Variants in SETD5 observed in about 807,000 individuals in gnomAD.
SETD5 encodes histone-lysine N-methyltransferase SETD5.
Under a neutral mutation model 153.3 loss-of-function variants are expected in SETD5, and 44 were observed. The ratio of observed to expected loss-of-function variants is 0.29; its 90% CI spans 0.23 to 0.37. SETD5 has a LOEUF of 0.37. Among genes scored for constraint, SETD5 ranks in the 10% least tolerant of loss-of-function variants. The probability of loss-of-function intolerance (pLI) is 1.00; values close to 1 mark genes in which losing one functional copy is unlikely to be tolerated. For synonymous variants in SETD5, 716 were observed against 645.2 expected (o/e 1.11, Z -1.66); for missense variants, 1,544 against 1,768.0 (o/e 0.87, Z 2.27).
chr3:9,436,116 TC>T (rs1301826082), intron 7 of SETD5, among the ~76,000 whole-genome samples: 1 of 152,150 alleles, frequency 6.6e-6, no homozygotes, highest in Admixed American at 6.6e-5. Flanking sequence ...GCTCAAAGTT[TC>T]TTCTACTCCA....
intron 19 of SETD5, 118 bp from the exon 20 acceptor site, chr3:9,473,118 G>T (rs746321881): frequency 1.6e-6 from 2 of 1,245,290 alleles, no homozygotes; most frequent in Admixed American, 5.5e-5. Context: ...CTTTGTTTGC[G>T]TGGCTTGGCT....
chr3:9,441,769 G>C (rs376410855), intron 9 of SETD5, 28 bp downstream of exon 9: 4 of 1,613,524 alleles, frequency 2.5e-6, no homozygotes, highest in East Asian at 2.2e-5. Context: ...TGAGCAGTGA[G>C]GGCTAAGGTG....
At chr3:9,425,055 C>CTTTTTTTTTTTTTTTTTTTTTTTTTT (rs778883904) in intron 2 of SETD5, among the ~76,000 whole-genome samples, 5 of 83,640 alleles carry the variant, frequency 6.0e-5, no homozygotes, top group African/African-American at 2.4e-4. Context: ...GACAATGTTT[C>CTTTTTTTTTTTTTTTTTTTTTTTTTT]TTTTTTTTTT....
Position 9,445,243 on chromosome 3 carries a change from T to C in SETD5, c.1383T>C (p.Asn461=). 1 of 1,611,858 alleles carries C rather than the reference T, an allele frequency of 6.2e-7. No homozygotes were observed. Among genetic ancestry groups the C allele is most frequent in the Non-Finnish European group, 8.5e-7 (1 of 1,178,774 alleles). ...MEQQNEASEE[N]NDQQSQEVPE... is the part of the protein sequence containing the mutation. ...AGCAGAATGAGGCTTCAGAGGAGAATAATGACCAGCAATCACAAGAAGTTC... is the reference window on the plus strand; with the variant it reads ...AGCAGAATGAGGCTTCAGAGGAGAACAATGACCAGCAATCACAAGAAGTTC... The change falls in exon 12 of 23, where the codon AAT becomes AAC. Residue 461 remains asparagine (N), a synonymous_variant. Transcript: ENST00000402198.
intron 1 of SETD5, among the ~76,000 whole-genome samples, chr3:9,410,724 C>A (rs1661805214): frequency 6.6e-6 from 1 of 152,046 alleles, no homozygotes; most frequent in Non-Finnish European, 1.5e-5. Flanking sequence ...AGTTCATTTA[C>A]TAAAACTATT....
chr3:9,409,667 C>A (rs1159910958), intron 1 of SETD5, among the ~76,000 whole-genome samples: 5 of 152,100 alleles, frequency 3.3e-5, no homozygotes, highest in Admixed American at 1.3e-4. Flanking sequence ...ACTTAGAAAC[C>A]ACAGTATGGA....
At chr3:9,433,582 T>A (rs1408281039) in intron 3 of SETD5, 4 of 1,288,384 alleles carry the variant, frequency 3.1e-6, no homozygotes, top group Non-Finnish European at 4.1e-6. Flanking sequence ...TGTTTGTCAT[T>A]AGGGACACCT....
At chr3:9,429,662 A>G (rs539382752) in intron 3 of SETD5, among the ~76,000 whole-genome samples, 1 of 152,176 alleles carries the variant, frequency 6.6e-6, no homozygotes, top group Non-Finnish European at 1.5e-5. Flanking sequence ...CCAAATGACA[A>G]TGAAGGTAGG....
intron 2 of SETD5, among the ~76,000 whole-genome samples, chr3:9,426,402 A>ATT (rs538258246): frequency 3.1e-5 from 4 of 129,932 alleles, no homozygotes; most frequent in Admixed American, 7.6e-5. Flanking sequence ...CACCAGATTT[A>ATT]TTTTTTTTTT....
chr3:9,436,424 G>C (rs756739637), intron 7 of SETD5, among the ~76,000 whole-genome samples: 5 of 152,202 alleles, frequency 3.3e-5, no homozygotes, highest in African/African-American at 4.8e-5. Flanking sequence ...CTTCTGGTTT[G>C]TGTTCTTTCT....
At chr3:9,475,011 T>G in intron 21 of SETD5, 57 bp from the exon 22 acceptor site, 2 of 1,473,342 alleles carry the variant, frequency 1.4e-6, no homozygotes. Context: ...AAAATGGCTC[T>G]TTCTTACTTA....
chr3:9,467,652 T>TC (rs2044770621), intron 18 of SETD5, among the ~76,000 whole-genome samples: 1 of 152,030 alleles, frequency 6.6e-6, no homozygotes, highest in African/African-American at 2.4e-5. Flanking sequence ...TCTCCTTACC[T>TC]CAGCCCTAGC....
intron 18 of SETD5, among the ~76,000 whole-genome samples, chr3:9,468,844 G>C (rs920331737): frequency 6.6e-6 from 1 of 151,878 alleles, no homozygotes; most frequent in African/African-American, 2.4e-5. Context: ...GGTTTTTGCC[G>C]TTTGGGGGAG....
In SETD5 at chr3:9,436,898, A is replaced by G. The variant is rs533021669; in HGVS notation, c.567+992A>G. ...GTCCTTGCGGATGAAGGTAAGGGGTAATCTTCGCTGATGCTGTGTTTTACT... is the reference window on the plus strand; with the variant it reads ...GTCCTTGCGGATGAAGGTAAGGGGTGATCTTCGCTGATGCTGTGTTTTACT... On this transcript the variant is annotated intron_variant, in intron 7 of 22. Transcript: ENST00000402198. 282 of 1,549,376 alleles carry G rather than the reference A, an allele frequency of 1.8e-4. 1 individual carries two copies. In the East Asian group the frequency reaches 2.8e-3, roughly 15 times the overall value.
intron 3 of SETD5, chr3:9,429,789 C>T: frequency 7.9e-7 from 1 of 1,269,756 alleles, no homozygotes; most frequent in Non-Finnish European, 1.0e-6. Flanking sequence ...CCCTCTTGTC[C>T]TTTTACCTCC....
chr3:9,413,649 G>GGGGGTGTGTGTGT, intron 1 of SETD5, among the ~76,000 whole-genome samples: 1 of 140,366 alleles, frequency 7.1e-6, no homozygotes, highest in South Asian at 2.3e-4. Flanking sequence ...GGGGAGGCGG[G>GGGGGTGTGTGTGT]GTGTGTGTGT....
chr3:9,423,717 C>G (rs993423061), intron 1 of SETD5, among the ~76,000 whole-genome samples: 6 of 152,090 alleles, frequency 3.9e-5, no homozygotes, highest in African/African-American at 1.4e-4. Context: ...TGCATGCGTT[C>G]TAATGCTTGG....
chr3:9,443,469 A>G, intron 11 of SETD5, 52 bp downstream of exon 11: 2 of 992,790 alleles, frequency 2.0e-6, no homozygotes, highest in Non-Finnish European at 2.7e-6. Flanking sequence ...TTACATATTA[A>G]GCTATTCACT....
chr3:9,470,429 C>T (rs747181413), intron 18 of SETD5, 30 bp from the exon 19 acceptor site: 3 of 1,566,040 alleles, frequency 1.9e-6, no homozygotes, highest in Non-Finnish European at 1.7e-6. Flanking sequence ...CTCCCCTACC[C>T]CATGTCTCCG....
Sources: gnomAD v4.1 joint callset for allele counts (sites outside exome capture counted in the v4.1 genomes callset) on GRCh38, gnomAD v4.1.1 for gene constraint, MANE v1.5 for transcripts, NCBI Gene and HGNC (gene_info 2026-07-23, HGNC 2026-07-21) for gene names.